KLHL2: variants seen among roughly 807,000 people sequenced by gnomAD.
The protein encoded by KLHL2 is kelch like family member 2.
A neutral mutation model predicts 75.8 loss-of-function variants in KLHL2; 15 were observed. That is an observed-to-expected ratio of 0.20 (90% CI 0.13 to 0.30). KLHL2 has a LOEUF of 0.30. Among genes scored for constraint, KLHL2 ranks in the 10% least tolerant of loss-of-function variants. KLHL2 has a pLI of 1.00. For synonymous variants in KLHL2, 214 were observed against 251.9 expected (o/e 0.85, Z 1.42); for missense variants, 381 against 741.0 (o/e 0.51, Z 5.64).
chr4:165,217,060 A>G (rs2110967188), intron 1 of KLHL2, among the ~76,000 whole-genome samples: 1 of 152,326 alleles, frequency 6.6e-6, no homozygotes. Flanking sequence ...CTCTTAAATC[A>G]TGACATTCTT....
At chr4:165,314,486 A>G (rs1481482611) in intron 13 of KLHL2, among the ~76,000 whole-genome samples, 1 of 152,188 alleles carries the variant, frequency 6.6e-6, no homozygotes. Context: ...GAATTCATTC[A>G]TTCTTACAAC....
chr4:165,316,097 C>T (rs967387866), intron 13 of KLHL2, among the ~76,000 whole-genome samples: 1 of 152,158 alleles, frequency 6.6e-6, no homozygotes, highest in African/African-American at 2.4e-5. Flanking sequence ...TGGCTCCTAT[C>T]GCCTAAAAGG....
intron 5 of KLHL2, among the ~76,000 whole-genome samples, chr4:165,288,002 C>CT (rs1456827005): frequency 6.6e-6 from 1 of 152,134 alleles, no homozygotes; most frequent in East Asian, 1.9e-4. Flanking sequence ...ATGCACTGAA[C>CT]TTTTAACTTT....
rs1007671077 is a variant in KLHL2 at position 165,285,922 on chromosome 4, C to T, written c.545-8437C>T. Reference sequence around the variant, plus strand: ...AGGAGGTCACTGAAACGGTTTGAAACGTAGGTATATCCTCATCTTGTTTGC... The same window carrying T: ...AGGAGGTCACTGAAACGGTTTGAAATGTAGGTATATCCTCATCTTGTTTGC... On this transcript the variant is annotated intron_variant, in intron 5 of 14. Coordinates refer to ENST00000226725, the MANE Select transcript of KLHL2 (RefSeq NM_007246.4). Among the ~76,000 whole-genome samples the T allele has an allele frequency of 6.6e-5, 10 of 152,040 alleles. No individual in the cohort carries two copies. In the East Asian group the frequency reaches 7.8e-4, roughly 12 times the overall value.
rs543706319 is a variant in KLHL2 at position 165,227,682 on chromosome 4, T to C, written c.153-1125T>C. 2.0e-3 allele frequency among the ~76,000 whole-genome samples: 309 copies of C among 152,294 alleles called. 1 individual carries two copies. Among genetic ancestry groups the C allele is most frequent in the African/African-American group, 6.5e-3 (270 of 41,562 alleles). On this transcript the variant is annotated intron_variant, in intron 2 of 14. Coordinates refer to ENST00000226725, the MANE Select transcript of KLHL2 (RefSeq NM_007246.4). ...ACTACTAGCAAGGCAGGTTTTAGGC[T>C]TTGGAGCCTTTTTGCTTGTTCTAGA...
intron 8 of KLHL2, among the ~76,000 whole-genome samples, chr4:165,304,027 C>T (rs67414450): frequency 0.31 from 46,883 of 151,950 alleles, 7,676 homozygotes; most frequent in Middle Eastern, 0.38. Context: ...AGGTGTGCAC[C>T]ACCATGCCTG....
At chr4:165,253,253 C>T (rs1308720438) in intron 4 of KLHL2, among the ~76,000 whole-genome samples, 13 of 152,168 alleles carry the variant, frequency 8.5e-5, no homozygotes, top group Admixed American at 5.9e-4. Flanking sequence ...AGGCTGGTCT[C>T]GAACTCCTGA....
rs1419058399 is a variant in KLHL2 at position 165,322,290 on chromosome 4, C to T, written c.*230C>T. 9.5e-6 allele frequency: 5 copies of T among 527,902 alleles called. No individual in the cohort carries two copies. The highest frequency in any genetic ancestry group is 7.7e-5 in the African/African-American group (4 of 52,154). The allele number at this position is 527,902 out of a possible 1,614,324, so 32.7% of individuals were successfully genotyped here. A position where few individuals can be genotyped will look rare whatever the true frequency, so the allele number is the denominator to read the frequency against. ...CAGCTGACTGAATTTTCATAAGAAA[C>T]TTGGACTGCAGGACTTAATCTGTAG... On this transcript the variant is annotated 3_prime_UTR_variant, in exon 15 of 15. Coordinates refer to ENST00000226725, the MANE Select transcript of KLHL2 (RefSeq NM_007246.4).
intron 5 of KLHL2, among the ~76,000 whole-genome samples, chr4:165,276,349 T>A (rs1419162608): frequency 2.0e-5 from 3 of 152,196 alleles, no homozygotes; most frequent in Non-Finnish European, 4.4e-5. Flanking sequence ...AGTATTTTCA[T>A]GTGTGTCCCC....
chr4:165,278,784 T>C (rs756849387), intron 5 of KLHL2: 2 of 1,550,074 alleles, frequency 1.3e-6, no homozygotes, highest in Non-Finnish European at 1.8e-6. Context: ...TGGCCTGTAT[T>C]ACATAGTAAG....
At chr4:165,255,614 C>T (rs141890812) in intron 4 of KLHL2, among the ~76,000 whole-genome samples, 2 of 152,264 alleles carry the variant, frequency 1.3e-5, no homozygotes, top group Non-Finnish European at 2.9e-5. Flanking sequence ...CATACTTCTA[C>T]ATCTCAAAAC....
rs117419777 is a variant in KLHL2, at chr4:165,215,849, A to T, written c.27-4085A>T. ...GACTTTTGTTATTATTATTATTTTTAAAAATCACGCATTGCTGGCTTTCTC... is the reference window on the plus strand; with the variant it reads ...GACTTTTGTTATTATTATTATTTTTTAAAATCACGCATTGCTGGCTTTCTC... On this transcript the variant is annotated intron_variant, in intron 1 of 14. Transcript: ENST00000226725. 0.01 allele frequency among the ~76,000 whole-genome samples: 1,536 copies of T among 152,222 alleles called. 45 individuals are homozygous for T. In the East Asian group the frequency reaches 0.1, roughly 10 times the overall value.
chr4:165,218,355 G>C (rs544169291), intron 1 of KLHL2, among the ~76,000 whole-genome samples: 1 of 152,206 alleles, frequency 6.6e-6, no homozygotes, highest in Non-Finnish European at 1.5e-5. Context: ...AGCTGCATGG[G>C]TCACAGTTCC....
chr4:165,321,755 GT>G (rs1032646187), intron 14 of KLHL2, among the ~76,000 whole-genome samples: 11 of 152,160 alleles, frequency 7.2e-5, no homozygotes, highest in Non-Finnish European at 1.6e-4. Flanking sequence ...AAGTTTCTGT[GT>G]TCCCTTTTGA....
rs1746801129 is a variant in KLHL2 at position 165,319,286 on chromosome 4, A to C, written c.1753+1317A>C. Among the ~76,000 whole-genome samples, 1 of 152,168 alleles carries C rather than the reference A, an allele frequency of 6.6e-6. No individual in the cohort carries two copies. The highest frequency in any genetic ancestry group is 1.5e-5 in the Non-Finnish European group (1 of 68,034). ...CTCTCATGGTTCTGCCTTATTTTTCATCATGTTTACTGCAATATCATAAAC... is the reference window on the plus strand; with the variant it reads ...CTCTCATGGTTCTGCCTTATTTTTCCTCATGTTTACTGCAATATCATAAAC... On this transcript the variant is annotated intron_variant, in intron 14 of 14. Transcript: ENST00000226725. This position sits in a 1 kb window ranked among gnomAD's most constrained non-coding sequence, Gnocchi z 4.5.
intron 8 of KLHL2, among the ~76,000 whole-genome samples, chr4:165,304,359 T>G (rs571637464): frequency 3.3e-5 from 5 of 152,348 alleles, no homozygotes; most frequent in Admixed American, 1.3e-4. Context: ...CATCTTTCTT[T>G]AATTCTAAGT....
intron 1 of KLHL2, among the ~76,000 whole-genome samples, chr4:165,210,972 T>G (rs1737162338): frequency 6.6e-6 from 1 of 152,164 alleles, no homozygotes; most frequent in African/African-American, 2.4e-5. Flanking sequence ...TTCACAAAAC[T>G]AAGCAAACAT....
intron 14 of KLHL2, among the ~76,000 whole-genome samples, chr4:165,321,749 TTC>T (rs1339845356): frequency 6.6e-6 from 1 of 152,210 alleles, no homozygotes; most frequent in Non-Finnish European, 1.5e-5. Flanking sequence ...GCTCAAAAGT[TTC>T]TGTGTTCCCT....
rs1289409113 is a variant in KLHL2, at chr4:165,249,412, T to C, written c.381+10513T>C. ...TCTCAGGACCTAGATACCTAAGTGATAGAATTAGTAATCAGAGCTTCATTT... is the reference window on the plus strand; with the variant it reads ...TCTCAGGACCTAGATACCTAAGTGACAGAATTAGTAATCAGAGCTTCATTT... On this transcript the variant is annotated intron_variant, in intron 4 of 14. Coordinates refer to ENST00000226725, the MANE Select transcript of KLHL2 (RefSeq NM_007246.4). 2.0e-5 allele frequency among the ~76,000 whole-genome samples: 3 copies of C among 152,206 alleles called. No homozygotes were observed. The East Asian group carries it at 5.8e-4, about 29-fold the overall frequency.
Sources: allele counts gnomAD v4.1 joint callset (sites outside exome capture counted in the v4.1 genomes callset), GRCh38; gene constraint gnomAD v4.1.1; non-coding constraint Gnocchi (gnomAD v3.1); transcripts MANE v1.5; gene names NCBI Gene and HGNC (gene_info 2026-07-23, HGNC 2026-07-21).